The following FGF14 variants were observed in gnomAD, a reference collection of about 807,000 sequenced individuals.
The protein encoded by FGF14 is fibroblast growth factor 14, also known as fibroblast growth factor homologous factor 4.
A neutral mutation model predicts 25.5 loss-of-function variants in FGF14; 5 were observed. The observed-to-expected ratio is 0.20, with a 90% CI of 0.10 to 0.41. The LOEUF (loss-of-function observed/expected upper bound fraction) is 0.41. FGF14 is among the 10% of genes least tolerant of loss of function. The pLI, the probability that FGF14 is intolerant of heterozygous loss-of-function variation, is 1.00. For missense variants in FGF14, 222 were observed against 320.1 expected, an observed-to-expected ratio of 0.69 and a Z score of 2.34; for synonymous variants, 138 against 118.3, an observed-to-expected ratio of 1.17 and a Z score of -1.08.
At chr13:102,168,328 C>T (rs2048106713) in intron 1 of FGF14, among the ~76,000 whole-genome samples, 2 of 152,058 alleles carry the variant, frequency 1.3e-5, no homozygotes, top group Admixed American at 1.3e-4. Context: ...TAGGCACACA[C>T]CACCATCCCT....
At chr13:102,203,142 A>G (rs1483312173) in intron 1 of FGF14, among the ~76,000 whole-genome samples, 1 of 152,150 alleles carries the variant, frequency 6.6e-6, no homozygotes, top group Non-Finnish European at 1.5e-5. Flanking sequence ...TTATTACAGC[A>G]TGTGTTTTCC....
chr13:102,005,361 A>G (rs2039726289), intron 1 of FGF14, among the ~76,000 whole-genome samples: 2 of 152,220 alleles, frequency 1.3e-5, no homozygotes, highest in South Asian at 4.1e-4. Flanking sequence ...AAACTTGCAC[A>G]GAGATTTCTG....
At chr13:101,925,036 A>T (rs1454939210) in intron 1 of FGF14, among the ~76,000 whole-genome samples, 1 of 152,220 alleles carries the variant, frequency 6.6e-6, no homozygotes, top group Non-Finnish European at 1.5e-5. Flanking sequence ...ACTGTTAAAA[A>T]GCTCTGTGAG....
At chr13:102,358,482 G>A (rs569396412) in intron 1 of FGF14, among the ~76,000 whole-genome samples, 5 of 152,276 alleles carry the variant, frequency 3.3e-5, no homozygotes, top group South Asian at 4.1e-4. Flanking sequence ...AGCAAAGGTC[G>A]AGAGTGCAGT....
At chr13:102,215,127 G>C (rs2050317333) in intron 1 of FGF14, among the ~76,000 whole-genome samples, 1 of 152,212 alleles carries the variant, frequency 6.6e-6, no homozygotes, top group South Asian at 2.1e-4. Context: ...CTCTTCTTTT[G>C]GTTCATATGC....
chr13:102,028,802 A>G (rs1053525200), intron 1 of FGF14, among the ~76,000 whole-genome samples: 4 of 152,070 alleles, frequency 2.6e-5, no homozygotes, highest in Non-Finnish European at 4.4e-5. Context: ...ACTGGGAACT[A>G]TAAACAAATT....
chr13:102,277,843 C>T (rs2141195881), intron 1 of FGF14, among the ~76,000 whole-genome samples: 1 of 152,314 alleles, frequency 6.6e-6, no homozygotes, highest in South Asian at 2.1e-4. Flanking sequence ...TGTAACTGAC[C>T]TAATTTAATG....
At chr13:101,757,608 C>T (rs974838698) in intron 3 of FGF14, among the ~76,000 whole-genome samples, 1 of 152,160 alleles carries the variant, frequency 6.6e-6, no homozygotes, top group South Asian at 2.1e-4. Flanking sequence ...GATGCCCTTA[C>T]TTTATATGCA....
At chr13:101,861,943 C>CTTGT (rs1416648110) in intron 3 of FGF14, among the ~76,000 whole-genome samples, 1 of 152,074 alleles carries the variant, frequency 6.6e-6, no homozygotes, top group Non-Finnish European at 1.5e-5. Flanking sequence ...TAGCGGTTTT[C>CTTGT]TTGTTTGTTT....
intron 1 of FGF14, among the ~76,000 whole-genome samples, chr13:102,167,393 G>A (rs547190083): frequency 6.7e-6 from 1 of 149,824 alleles, no homozygotes; most frequent in Non-Finnish European, 1.5e-5. Context: ...TTCCAGACCA[G>A]AATTTTATTT....
intron 3 of FGF14, among the ~76,000 whole-genome samples, chr13:101,820,158 A>G (rs1205222967): frequency 1.3e-5 from 2 of 152,332 alleles, no homozygotes; most frequent in Non-Finnish European, 1.5e-5. Flanking sequence ...TGGCAGCAAT[A>G]TATCAATGAA....
chr13:101,745,982 T>C (rs935689956), intron 3 of FGF14, among the ~76,000 whole-genome samples: 5 of 152,032 alleles, frequency 3.3e-5, no homozygotes, highest in Non-Finnish European at 7.4e-5. Flanking sequence ...AAGAATGTGA[T>C]AGAAAGAAAG....
At chr13:102,196,867 A>G (rs1045726312) in intron 1 of FGF14, among the ~76,000 whole-genome samples, 1 of 151,984 alleles carries the variant, frequency 6.6e-6, no homozygotes, top group Non-Finnish European at 1.5e-5. Flanking sequence ...GGCCCTTTTC[A>G]GAGATAAATC....
At chr13:102,151,506 G>C (rs2047084218) in intron 1 of FGF14, among the ~76,000 whole-genome samples, 1 of 152,060 alleles carries the variant, frequency 6.6e-6, no homozygotes, top group South Asian at 2.1e-4. Context: ...CTTTTTGTTT[G>C]TTTGTTTTTT....
At position 102,400,825 on chromosome 13, in the gene FGF14, A is replaced by C. The variant is rs2058686580; in HGVS notation, c.208+646T>G. 2.0e-5 allele frequency among the ~76,000 whole-genome samples: 3 copies of C among 151,950 alleles called. No individual in the cohort carries two copies. The highest frequency in any genetic ancestry group is 1.3e-4 in the Admixed American group (2 of 15,262). On this transcript the variant is annotated intron_variant, in intron 1 of 4. Transcript: ENST00000376131. The surrounding 1 kb of genome is among the most constrained non-coding windows in gnomAD (Gnocchi z 4.3). ...TTAGAGGGGCTGGGCTTGTCCTCTC[A>C]GTCTGGGGTTCCCTCCCGGCGCAAG... is the stretch of plus-strand genomic sequence containing the variant.
intron 1 of FGF14, among the ~76,000 whole-genome samples, chr13:102,017,701 T>C (rs1181742199): frequency 6.6e-6 from 1 of 152,160 alleles, no homozygotes; most frequent in Non-Finnish European, 1.5e-5. Flanking sequence ...CTTAATTATG[T>C]CCTCTGCTCC....
Position 102,003,144 on chromosome 13 carries a change from CT to C in FGF14, c.209-127849del, listed in dbSNP as rs566928309. ...AATTTATAATATTAAAGCACCTAAG[CT>C]TTGGTTATCACTGGAAATGTATAAC... On this transcript the variant is annotated intron_variant, in intron 1 of 4. Coordinates refer to the FGF14 transcript ENST00000376131. 1.2e-3 allele frequency: 185 copies of C among 152,084 alleles called. 1 individual carries two copies. The highest frequency in any genetic ancestry group is 4.3e-3 in the African/African-American group (177 of 41,494). The allele number at this position is 152,084 out of a possible 1,614,324, so 9.4% of individuals were successfully genotyped here.
chr13:102,385,141 C>T (rs945480215), intron 1 of FGF14, among the ~76,000 whole-genome samples: 1 of 152,266 alleles, frequency 6.6e-6, no homozygotes, highest in African/African-American at 2.4e-5. Context: ...GAACATTTTT[C>T]GTTTCCTCCC....
intron 1 of FGF14, among the ~76,000 whole-genome samples, chr13:102,386,421 C>G (rs1336199511): frequency 6.6e-6 from 1 of 152,090 alleles, no homozygotes; most frequent in Admixed American, 6.5e-5. Flanking sequence ...TGTCAGCCAT[C>G]GCGCCTGGCC....
Sources: gnomAD v4.1 joint callset for allele counts (sites outside exome capture counted in the v4.1 genomes callset) on GRCh38, gnomAD v4.1.1 for gene constraint, Gnocchi (gnomAD v3.1) non-coding constraint, MANE v1.5 for transcripts, NCBI Gene and HGNC (gene_info 2026-07-23, HGNC 2026-07-21) for gene names.